Variants in ARHGAP26 observed in about 807,000 individuals in gnomAD.
The protein encoded by ARHGAP26 is Rho GTPase activating protein 26, also known as rho GTPase-activating protein 26.
ARHGAP26 carries 38 observed loss-of-function variants against 104.8 expected under a neutral mutation model. The ratio of observed to expected loss-of-function variants is 0.36; its 90% CI spans 0.28 to 0.48. The LOEUF (loss-of-function observed/expected upper bound fraction) is 0.48, where lower values mean the gene tolerates loss of function less well. Ranked by LOEUF, ARHGAP26 falls within the 20% of genes least tolerant of loss-of-function variation. ARHGAP26 has a pLI of 0.99. For synonymous variants in ARHGAP26, 341 were observed against 340.0 expected, an observed-to-expected ratio of 1.00 and a Z score of -0.03; for missense variants, 704 against 947.9, an observed-to-expected ratio of 0.74 and a Z score of 3.38.
At chr5:142,796,080 GT>G (rs1257254785) in intron 1 of ARHGAP26, among the ~76,000 whole-genome samples, 1 of 151,840 alleles carries the variant, frequency 6.6e-6, no homozygotes, top group African/African-American at 2.4e-5. Context: ...GTGTGTGTGT[GT>G]GTGTGTGTGT....
chr5:143,172,307 A>T (rs981248350), intron 20 of ARHGAP26, among the ~76,000 whole-genome samples: 1 of 152,222 alleles, frequency 6.6e-6, no homozygotes, highest in African/African-American at 2.4e-5. Flanking sequence ...CTTTAAAAAA[A>T]AAAATACATG....
chr5:143,141,361 C>CTG (rs1232042771), intron 19 of ARHGAP26, among the ~76,000 whole-genome samples: 1 of 152,094 alleles, frequency 6.6e-6, no homozygotes, highest in African/African-American at 2.4e-5. Context: ...AAGTACATGT[C>CTG]TGTGTGTGTG....
chr5:143,088,383 G>A (rs1026097916), intron 17 of ARHGAP26, among the ~76,000 whole-genome samples: 2 of 152,074 alleles, frequency 1.3e-5, no homozygotes, highest in African/African-American at 2.4e-5. Context: ...GTAGATGATG[G>A]TTGTATTGGC....
In ARHGAP26 at chr5:143,226,336, C is replaced by G. The variant is rs1418172533; in HGVS notation, c.*3890C>G. 5.7e-6 allele frequency: 1 copy of G among 175,198 alleles called. No individual in the cohort carries two copies. The highest frequency in any genetic ancestry group is 2.4e-5 in the African/African-American group (1 of 42,072). 10.9% of individuals were successfully genotyped at this position (175,198 alleles called of 1,614,324 possible). A position where few individuals can be genotyped will look rare whatever the true frequency, so the allele number is the denominator to read the frequency against. On this transcript the variant is annotated 3_prime_UTR_variant, in exon 23 of 23. Coordinates refer to ENST00000645722, the MANE Select transcript of ARHGAP26 (RefSeq NM_001135608.3). Reference sequence around the variant, plus strand: ...CTCTACTAAAAATACAAAAAATTAGCCGGGTGTGGTGGCGGGCGCCTGTAG... The same window carrying G: ...CTCTACTAAAAATACAAAAAATTAGGCGGGTGTGGTGGCGGGCGCCTGTAG...
At chr5:143,146,040 G>A (rs145805319) in intron 19 of ARHGAP26, among the ~76,000 whole-genome samples, 114 of 152,138 alleles carry the variant, frequency 7.5e-4, no homozygotes, top group African/African-American at 2.7e-3. Flanking sequence ...GTACTCTGAG[G>A]GATATATTGT....
intron 10 of ARHGAP26, among the ~76,000 whole-genome samples, chr5:142,927,960 C>T (rs1661596757): frequency 6.6e-6 from 1 of 152,076 alleles, no homozygotes; most frequent in African/African-American, 2.4e-5. Flanking sequence ...TGGATGTCCT[C>T]TTTTATGAAG....
intron 21 of ARHGAP26, among the ~76,000 whole-genome samples, chr5:143,212,759 G>C (rs1809690370): frequency 6.6e-6 from 1 of 152,198 alleles, no homozygotes; most frequent in African/African-American, 2.4e-5. Context: ...TTACCACCCG[G>C]CCCTTTGCAG....
At chr5:143,079,720 T>G (rs973686323) in intron 17 of ARHGAP26, among the ~76,000 whole-genome samples, 10 of 152,244 alleles carry the variant, frequency 6.6e-5, no homozygotes, top group Admixed American at 1.3e-4. Flanking sequence ...GGACCTATTT[T>G]ACCTGTGGAC....
chr5:142,913,280 G>A lies in ARHGAP26; in HGVS notation c.1015G>A (p.Glu339Lys), dbSNP rs768679608. The change falls in exon 10 of 23, where the codon GAA (glutamate) becomes AAA (lysine). Residue 339 changes from glutamate to lysine, a missense_variant. Physicochemically the swap from Glu to Lys is moderately conservative, Grantham distance 56. Transcript: ENST00000645722. ...TGAGAAGAGGTTTTGCTTTGATGTG[G>A]AAGCAGTAGACAGGTGAGTAGCTAG... ...SIEKRFCFDV[E>K]AVDRPGVITM... 105 of 1,613,986 alleles carry A rather than the reference G, an allele frequency of 6.5e-5. No individual in the cohort carries two copies. The highest frequency in any genetic ancestry group is 8.2e-5 in the Non-Finnish European group (97 of 1,179,950).
intron 12 of ARHGAP26, among the ~76,000 whole-genome samples, chr5:143,023,179 A>G (rs1316506866): frequency 6.6e-6 from 1 of 152,222 alleles, no homozygotes; most frequent in Non-Finnish European, 1.5e-5. Flanking sequence ...ACATCCACTC[A>G]TCCTTCTTTA....
chr5:142,862,828 G>A (rs1022360092), intron 1 of ARHGAP26, among the ~76,000 whole-genome samples: 3 of 152,138 alleles, frequency 2.0e-5, no homozygotes, highest in Non-Finnish European at 2.9e-5. Context: ...GATGGTACAC[G>A]TCACCCTCTT....
intron 17 of ARHGAP26, 44 bp downstream of exon 17, chr5:143,057,791 G>T (rs1233751552): frequency 1.3e-6 from 2 of 1,514,346 alleles, no homozygotes; most frequent in East Asian, 4.5e-5. Flanking sequence ...ACCCCTGAAA[G>T]TTCTTATCTT....
intron 11 of ARHGAP26, among the ~76,000 whole-genome samples, chr5:142,960,325 C>T (rs1206799282): frequency 1.3e-5 from 2 of 152,238 alleles, no homozygotes; most frequent in Non-Finnish European, 2.9e-5. Context: ...TCTCTCTCAT[C>T]GATGGATTCA....
At chr5:142,873,946 A>G (rs1217974292) in intron 2 of ARHGAP26, among the ~76,000 whole-genome samples, 1 of 152,220 alleles carries the variant, frequency 6.6e-6, no homozygotes, top group African/African-American at 2.4e-5. Flanking sequence ...TATAAATTCA[A>G]TTTATAATCT....
At chr5:143,121,296 T>C in intron 18 of ARHGAP26, 149 bp downstream of exon 18, 1 of 834,448 alleles carries the variant, frequency 1.2e-6, no homozygotes. Context: ...GTGATGGTGG[T>C]GATGATAATG....
intron 12 of ARHGAP26, among the ~76,000 whole-genome samples, chr5:143,018,728 A>AT (rs1445912594): frequency 6.6e-6 from 1 of 152,276 alleles, no homozygotes; most frequent in African/African-American, 2.4e-5. Flanking sequence ...TCTGTTTTTA[A>AT]TAATAACTTT....
intron 14 of ARHGAP26, among the ~76,000 whole-genome samples, chr5:143,043,258 T>C (rs952895234): frequency 1.3e-5 from 2 of 152,224 alleles, no homozygotes; most frequent in African/African-American, 4.8e-5. Context: ...TTTCTATAAT[T>C]TTGTCATTTC....
intron 6 of ARHGAP26, among the ~76,000 whole-genome samples, chr5:142,901,477 T>C (rs1336671949): frequency 6.6e-6 from 1 of 152,238 alleles, no homozygotes; most frequent in Non-Finnish European, 1.5e-5. Context: ...CCCACTTCCT[T>C]TTCTGCCTTC....
intron 12 of ARHGAP26, among the ~76,000 whole-genome samples, chr5:143,020,059 C>A (rs1562273369): frequency 6.6e-6 from 1 of 152,240 alleles, no homozygotes. Flanking sequence ...ACTTCTCACT[C>A]TTGTTCAACA....
Sources: allele counts gnomAD v4.1 joint callset (sites outside exome capture counted in the v4.1 genomes callset), GRCh38; gene constraint gnomAD v4.1.1; transcripts MANE v1.5; gene names NCBI Gene and HGNC (gene_info 2026-07-23, HGNC 2026-07-21).